The following ZNF133 variants were observed in gnomAD, a reference collection of about 807,000 sequenced individuals.
The protein encoded by ZNF133 is zinc finger protein 133 (clone pHZ-13).
Under a neutral mutation model 54.9 loss-of-function variants are expected in ZNF133, and 26 were observed. That is an observed-to-expected ratio of 0.47 (90% CI 0.35 to 0.66). ZNF133 has a LOEUF of 0.66. Ranked by LOEUF, ZNF133 falls within the 30% of genes least tolerant of loss-of-function variation. The pLI, the probability that ZNF133 is intolerant of heterozygous loss-of-function variation, is 0.01. For synonymous variants in ZNF133, 298 were observed against 320.3 expected (o/e 0.93, Z 0.74); for missense variants, 653 against 820.8 (o/e 0.80, Z 2.50).
At chr20:18,306,214 G>A (rs1293361680) in intron 5 of ZNF133, 84 bp from the exon 6 acceptor site, 16 of 1,354,294 alleles carry the variant, frequency 1.2e-5, no homozygotes, top group Non-Finnish European at 1.6e-5. Context: ...TACCTTTGAA[G>A]TTTCCTAGGC....
Position 18,316,896 on chromosome 20 carries a change from TGGTCAAA to T in ZNF133, c.*83_*89del, listed in dbSNP as rs1403474315. On this transcript the variant is annotated 3_prime_UTR_variant, in exon 7 of 7. Coordinates refer to ENST00000425686, the MANE Select transcript of ZNF133 (RefSeq NM_001352452.2). The stretch of plus-strand genomic sequence containing the variant: ...GGAGTAGAGAAATGCATTCTGTAAG[TGGTCAAA>T]GGACATTTGACTGTTTACTTTCTCC... The T allele has an allele frequency of 3.4e-6, 5 of 1,468,858 alleles. No individual in the cohort carries two copies. Among genetic ancestry groups the T allele is most frequent in the Non-Finnish European group, 4.5e-6 (5 of 1,100,570 alleles). 91.0% of individuals were successfully genotyped at this position (1,468,858 alleles called of 1,614,324 possible). A position where few individuals can be genotyped will look rare whatever the true frequency, so the allele number is the denominator to read the frequency against.
intron 1 of ZNF133, among the ~76,000 whole-genome samples, chr20:18,297,337 T>G (rs997729480): frequency 1.3e-5 from 2 of 151,922 alleles, no homozygotes; most frequent in Admixed American, 1.3e-4. Context: ...TCTTTTTCTT[T>G]GATTTCTTTC....
chr20:18,306,613 CT>C (rs2044678021), intron 6 of ZNF133: 27 of 996,094 alleles, frequency 2.7e-5, no homozygotes, highest in East Asian at 3.1e-5. Flanking sequence ...ACTAGGAAGC[CT>C]TTTTTCCTCC....
rs191779097 is a variant in ZNF133, at chr20:18,308,391, A to C, written c.217+1998A>C. 2.6e-3 allele frequency among the ~76,000 whole-genome samples: 390 copies of C among 152,270 alleles called. 2 individuals carry two copies. The highest frequency in any genetic ancestry group is 0.021 in the Admixed American group (317 of 15,298). ...CAACTTGCTTGTATCCTTACTGTTC[A>C]TCTGTTAGAAGGAATCCTAAAGCTC... On this transcript the variant is annotated intron_variant, in intron 6 of 6. Coordinates refer to ENST00000425686, the MANE Select transcript of ZNF133 (RefSeq NM_001352452.2).
chr20:18,290,768 C>A (rs990456921), intron 1 of ZNF133, among the ~76,000 whole-genome samples: 2 of 152,124 alleles, frequency 1.3e-5, no homozygotes, highest in Admixed American at 6.5e-5. Flanking sequence ...AGCCTTATAA[C>A]TTGATATAAG....
intron 1 of ZNF133, among the ~76,000 whole-genome samples, chr20:18,295,810 A>G (rs1023788380): frequency 6.6e-6 from 1 of 151,972 alleles, no homozygotes; most frequent in Admixed American, 6.6e-5. Context: ...GGGTGTGTGT[A>G]TGCACCAAAT....
At chr20:18,304,632 A>C (rs1242554825) in intron 3 of ZNF133, among the ~76,000 whole-genome samples, 1 of 152,244 alleles carries the variant, frequency 6.6e-6, no homozygotes, top group Non-Finnish European at 1.5e-5. Context: ...AGTCAGACAC[A>C]AAAGGACATA....
Position 18,315,361 on chromosome 20 carries a change from C to A in ZNF133, c.510C>A (p.Pro170=), listed in dbSNP as rs1389585257. 1 of 1,614,122 alleles carries A rather than the reference C, an allele frequency of 6.2e-7. No individual in the cohort carries two copies. ...CTCTGGGAGCGTTCTCCAGGCCACC[C>A]CAGAGGCAGCCAGTCAGCTCTCGGA... ...KRTLGAFSRP[P]QRQPVSSRNG... The change falls in exon 7 of 7, where the codon CCC becomes CCA. Residue 170 remains proline, a synonymous_variant. Transcript: ENST00000425686.
intron 3 of ZNF133, among the ~76,000 whole-genome samples, chr20:18,303,927 A>G (rs1374142121): frequency 1.3e-5 from 2 of 152,252 alleles, no homozygotes; most frequent in African/African-American, 2.4e-5. Flanking sequence ...CAATAAAAGA[A>G]AAGAATAGTG....
rs1276067311 is a variant in ZNF133 at position 18,315,720 on chromosome 20, G to A, written c.869G>A (p.Arg290Gln). 2.5e-6 allele frequency: 4 copies of A among 1,613,828 alleles called. No individual in the cohort carries two copies. Among genetic ancestry groups the A allele is most frequent in the Non-Finnish European group, 3.4e-6 (4 of 1,179,900 alleles). Residue 290 changes from arginine (R) to glutamine (Q), a missense_variant, in exon 7 of 7, where the codon CGG becomes CAG. This residue lies in a region of ZNF133 where 292 missense variants were observed against 431.6 expected (regional missense o/e 0.68). Coordinates refer to ENST00000425686, the MANE Select transcript of ZNF133 (RefSeq NM_001352452.2). ...AAGTCAACGCTAATCATACACGAAC[G>A]GACACACTCCGGTGAGAAACCTTAC... ...NRKSTLIIHE[R>Q]THSGEKPYMC...
chr20:18,302,400 G>A (rs2043562154), intron 3 of ZNF133, among the ~76,000 whole-genome samples: 1 of 97,296 alleles, frequency 1.0e-5, no homozygotes, highest in Non-Finnish European at 1.9e-5. Flanking sequence ...CAAAAACTCT[G>A]TCTCAAAAAA....
In ZNF133 at chr20:18,305,550, A is replaced by G; in HGVS notation, c.-6-131A>G. 1 of 1,336,506 alleles carries G rather than the reference A, an allele frequency of 7.5e-7. No homozygotes were observed. The highest frequency in any genetic ancestry group is 1.0e-6 in the Non-Finnish European group (1 of 966,248). The allele number at this position is 1,336,506 out of a possible 1,614,324, so 82.8% of individuals were successfully genotyped here. A position where few individuals can be genotyped will look rare whatever the true frequency, so the allele number is the denominator to read the frequency against. On this transcript the variant is annotated intron_variant, in intron 4 of 6. Coordinates refer to ENST00000425686, the MANE Select transcript of ZNF133 (RefSeq NM_001352452.2). This position sits in a 1 kb window ranked among gnomAD's most constrained non-coding sequence, Gnocchi z 4.7. ...GAGACAGGGATTTAAAAGTCTTGGA[A>G]CACATGGCACCAGGGTCACTGGGAT...
intron 6 of ZNF133, among the ~76,000 whole-genome samples, chr20:18,310,765 C>T (rs2045719661): frequency 1.3e-5 from 2 of 151,938 alleles, no homozygotes. Context: ...TGGGTGTTCT[C>T]ATCACAAAAA....
At chr20:18,297,426 A>G (rs1321176360) in intron 1 of ZNF133, among the ~76,000 whole-genome samples, 1 of 151,776 alleles carries the variant, frequency 6.6e-6, no homozygotes, top group Admixed American at 6.6e-5. Context: ...TTAATTTATG[A>G]TCTCATATTT....
chr20:18,309,042 T>A (rs1396507459), intron 6 of ZNF133, among the ~76,000 whole-genome samples: 1 of 152,198 alleles, frequency 6.6e-6, no homozygotes, highest in Non-Finnish European at 1.5e-5. Context: ...CTCCTGAACT[T>A]ACAGATGGCC....
At chr20:18,314,067 T>C (rs777902585) in intron 6 of ZNF133, 5 of 152,246 alleles carry the variant, frequency 3.3e-5, no homozygotes, top group Non-Finnish European at 5.9e-5. Context: ...CAGGAATTTT[T>C]AAGTGGTAAG....
Position 18,315,151 on chromosome 20 carries a change from G to C in ZNF133, c.300G>C (p.Leu100=). 6.2e-7 allele frequency: 1 copy of C among 1,609,508 alleles called. No individual in the cohort carries two copies. The highest frequency in any genetic ancestry group is 8.5e-7 in the Non-Finnish European group (1 of 1,177,182). ...AGAAATTCCCCATGCAGCATGTGCT[G>C]TGTAATCATCCCCCCTGGATCTTCA... ...SSQKFPMQHV[L]CNHPPWIFTC... is the part of the protein sequence containing the mutation. Residue 100 remains leucine, a synonymous_variant, in exon 7 of 7, where the codon CTG becomes CTC. Coordinates refer to ENST00000425686, the MANE Select transcript of ZNF133 (RefSeq NM_001352452.2).
chr20:18,297,497 G>A (rs992007122), intron 1 of ZNF133, among the ~76,000 whole-genome samples: 5 of 150,968 alleles, frequency 3.3e-5, no homozygotes, highest in South Asian at 2.1e-4. Context: ...TTAATGTTAC[G>A]GTTTTTTAAA....
intron 3 of ZNF133, among the ~76,000 whole-genome samples, chr20:18,300,125 T>TA (rs893586324): frequency 9.2e-5 from 14 of 151,412 alleles, no homozygotes; most frequent in African/African-American, 2.7e-4. Flanking sequence ...CTACTGCATT[T>TA]AAAAAAAAAT....
Sources: gnomAD v4.1 joint callset for allele counts (sites outside exome capture counted in the v4.1 genomes callset) on GRCh38, gnomAD v4.1.1 for gene constraint, gnomAD v4.1.1 regional missense constraint, Gnocchi (gnomAD v3.1) non-coding constraint, MANE v1.5 for transcripts, NCBI Gene and HGNC (gene_info 2026-07-23, HGNC 2026-07-21) for gene names.